The following MGLL variants were observed in gnomAD, a reference collection of about 807,000 sequenced individuals.
The protein encoded by MGLL is monoglyceride lipase.
MGLL carries 7 observed loss-of-function variants against 29.1 expected under a neutral mutation model. The observed-to-expected ratio is 0.24, with a 90% CI of 0.14 to 0.45. The LOEUF (loss-of-function observed/expected upper bound fraction) is 0.45, where lower values mean the gene tolerates loss of function less well. Among genes scored for constraint, MGLL ranks in the 20% least tolerant of loss-of-function variants. MGLL has a pLI of 0.99. For missense variants in MGLL, 356 were observed against 413.6 expected (o/e 0.86, Z 1.21); for synonymous variants, 148 against 168.3 (o/e 0.88, Z 0.93).
rs1162490441 is a variant in MGLL at position 127,759,429 on chromosome 3, CG to C, written c.262+22359del. Among the ~76,000 whole-genome samples, 24 of 151,976 alleles carry C rather than the reference CG, an allele frequency of 1.6e-4. No individual in the cohort carries two copies. In the East Asian group the frequency reaches 4.6e-3, roughly 29 times the overall value. ...CTGATGTGACCAAGGCTCTCAGCAC[CG>C]TGCCTGGTACACAGTAGATGCTCAC... On this transcript the variant is annotated intron_variant, in intron 3 of 7. Transcript: ENST00000265052.
At chr3:127,821,115 G>C (rs1364745046) in intron 2 of MGLL, among the ~76,000 whole-genome samples, 2 of 152,226 alleles carry the variant, frequency 1.3e-5, no homozygotes, top group Admixed American at 1.3e-4. Context: ...GGAGGGAGCA[G>C]CAGCAGGAGA....
intron 3 of MGLL, 32 bp downstream of exon 3, chr3:127,781,757 A>G: frequency 6.3e-7 from 1 of 1,596,774 alleles, no homozygotes; most frequent in South Asian, 1.1e-5. Context: ...GTCAGGGCCC[A>G]GCCAGCTCTG....
At chr3:127,796,702 C>T (rs192912084) in intron 2 of MGLL, among the ~76,000 whole-genome samples, 6 of 152,292 alleles carry the variant, frequency 3.9e-5, no homozygotes, top group African/African-American at 7.2e-5. Flanking sequence ...TGTTTAGAAT[C>T]GTGCACTCTT....
chr3:127,696,526 A>G (rs1318058678), intron 6 of MGLL, among the ~76,000 whole-genome samples: 8 of 142,292 alleles, frequency 5.6e-5, no homozygotes, highest in African/African-American at 2.1e-4. Context: ...TGATTCTGCT[A>G]CCTCAGCTTC....
At chr3:127,788,490 G>C (rs1269419830) in intron 2 of MGLL, among the ~76,000 whole-genome samples, 1 of 152,080 alleles carries the variant, frequency 6.6e-6, no homozygotes, top group African/African-American at 2.4e-5. Flanking sequence ...CCACGTAATG[G>C]TCAGGTCATG....
chr3:127,759,665 C>T (rs1006497458), intron 3 of MGLL, among the ~76,000 whole-genome samples: 10 of 152,180 alleles, frequency 6.6e-5, no homozygotes, highest in African/African-American at 2.2e-4. Flanking sequence ...CCAGAGATCC[C>T]GATGACTTCA....
At chr3:127,723,023 C>A (rs1374965867) in intron 3 of MGLL, among the ~76,000 whole-genome samples, 1 of 152,202 alleles carries the variant, frequency 6.6e-6, no homozygotes, top group African/African-American at 2.4e-5. Context: ...TACACTCAGC[C>A]CCTCATCTTA....
At chr3:127,733,324 TAGCCATAAAAATGGGCACCCACC>T (rs1284324219) in intron 3 of MGLL, among the ~76,000 whole-genome samples, 1 of 152,106 alleles carries the variant, frequency 6.6e-6, no homozygotes. Flanking sequence ...CATCAAGAAA[TAGCCATAAAAATGGGCACCCACC>T]AGCCCTCAGG....
intron 2 of MGLL, among the ~76,000 whole-genome samples, chr3:127,816,702 C>T (rs1211049072): frequency 6.6e-6 from 1 of 152,212 alleles, no homozygotes; most frequent in East Asian, 1.9e-4. Context: ...TTGCTGTAGA[C>T]ACACACAGAG....
chr3:127,712,601 C>G (rs1475776919), intron 5 of MGLL: 1 of 152,274 alleles, frequency 6.6e-6, no homozygotes, highest in Non-Finnish European at 1.5e-5. Flanking sequence ...GCAAGCAGAT[C>G]TCATTCTGCA....
At chr3:127,772,535 A>G (rs908888553) in intron 3 of MGLL, among the ~76,000 whole-genome samples, 16 of 152,228 alleles carry the variant, frequency 1.1e-4, no homozygotes, top group African/African-American at 2.4e-5. Context: ...GCATTCCCAC[A>G]GTGCTCTTGA....
chr3:127,750,841 C>G lies in MGLL; in HGVS notation c.263-28275G>C, dbSNP rs554276065. ...ATGCACAGTACAGAAAGCATGAAGACAAAACCAGCTGGCTCTGAATCAGCC... is the reference window on the plus strand; with the variant it reads ...ATGCACAGTACAGAAAGCATGAAGAGAAAACCAGCTGGCTCTGAATCAGCC... On this transcript the variant is annotated intron_variant, in intron 3 of 7. Coordinates refer to ENST00000265052, the MANE Select transcript of MGLL (RefSeq NM_007283.7). Among the ~76,000 whole-genome samples, 19 of 152,308 alleles carry G rather than the reference C, an allele frequency of 1.2e-4. 1 individual carries two copies. The South Asian group carries it at 2.9e-3, about 23-fold the overall frequency.
chr3:127,758,704 A>G (rs2076706615), intron 3 of MGLL, among the ~76,000 whole-genome samples: 1 of 152,292 alleles, frequency 6.6e-6, no homozygotes, highest in African/African-American at 2.4e-5. Flanking sequence ...CTTCCCCTTT[A>G]AAAGGGTCTT....
chr3:127,808,526 A>G (rs2077607914), intron 2 of MGLL, among the ~76,000 whole-genome samples: 1 of 152,212 alleles, frequency 6.6e-6, no homozygotes, highest in South Asian at 2.1e-4. Context: ...AGAATGTAAA[A>G]TGATGATAGG....
At chr3:127,707,315 A>T (rs2075622783) in intron 6 of MGLL, among the ~76,000 whole-genome samples, 1 of 152,204 alleles carries the variant, frequency 6.6e-6, no homozygotes, top group Admixed American at 6.5e-5. Flanking sequence ...TGGATGGCTG[A>T]GGGCATGGGC....
chr3:127,721,240 A>T, intron 4 of MGLL, 77 bp from the exon 5 acceptor site: 2 of 1,270,306 alleles, frequency 1.6e-6, no homozygotes, highest in Non-Finnish European at 2.3e-6. Context: ...TGACCAATGC[A>T]GTCCTCTTAA....
chr3:127,797,903 C>A (rs2077411682), intron 2 of MGLL, among the ~76,000 whole-genome samples: 1 of 152,164 alleles, frequency 6.6e-6, no homozygotes, highest in Non-Finnish European at 1.5e-5. Flanking sequence ...CCCACCATAC[C>A]TGGCCCACCG....
chr3:127,732,273 A>G (rs537554974), intron 3 of MGLL, among the ~76,000 whole-genome samples: 1 of 152,342 alleles, frequency 6.6e-6, no homozygotes, highest in East Asian at 1.9e-4. Context: ...CACTTTTCCC[A>G]GAGTTTGTTT....
intron 6 of MGLL, among the ~76,000 whole-genome samples, chr3:127,709,757 T>G (rs1234701821): frequency 6.6e-6 from 1 of 152,212 alleles, no homozygotes; most frequent in Non-Finnish European, 1.5e-5. Flanking sequence ...GTCTTCTGGA[T>G]GCTTCCTACC....
Sources: gnomAD v4.1 joint callset for allele counts (sites outside exome capture counted in the v4.1 genomes callset) on GRCh38, gnomAD v4.1.1 for gene constraint, MANE v1.5 for transcripts, NCBI Gene and HGNC (gene_info 2026-07-23, HGNC 2026-07-21) for gene names.